DDB1: variants seen among roughly 807,000 people sequenced by gnomAD.
The protein encoded by DDB1 is DNA damage-binding protein 1.
A neutral mutation model predicts 133.1 loss-of-function variants in DDB1; 18 were observed. The ratio of observed to expected loss-of-function variants is 0.14; its 90% CI spans 0.09 to 0.20. The LOEUF is 0.20. Ranked by LOEUF, DDB1 falls within the 10% of genes least tolerant of loss-of-function variation. The pLI is 1.00. For missense variants in DDB1, 828 were observed against 1,459.2 expected (o/e 0.57, Z 7.05); for synonymous variants, 580 against 550.5 (o/e 1.05, Z -0.75).
chr11:61,315,932 T>TATC (rs1233828564), intron 12 of DDB1: 1 of 178,360 alleles, frequency 5.6e-6, no homozygotes, highest in Non-Finnish European at 1.2e-5. Flanking sequence ...AATAAGGATG[T>TATC]ATCACTAGTT....
In DDB1 at chr11:61,314,114, C is replaced by A. The variant is rs571745576; in HGVS notation, c.1686G>T (p.Thr562=). 5.6e-6 allele frequency: 9 copies of A among 1,614,096 alleles called. No homozygotes were observed. Among genetic ancestry groups the A allele is most frequent in the Non-Finnish European group, 7.6e-6 (9 of 1,180,004 alleles). Residue 562 remains threonine (T), a synonymous_variant, in exon 14 of 27, where the codon ACG becomes ACT. Coordinates refer to ENST00000301764, the MANE Select transcript of DDB1 (RefSeq NM_001923.5). ...LSPLCAIGLW[T]DISARILKLP... ...ACTTCAAGATACGAGCCGAGATGTC[C>A]GTCCAGAGGCCAATGGCACAAAGAG...
chr11:61,305,008 G>A (rs531372193), intron 21 of DDB1, among the ~76,000 whole-genome samples: 3 of 152,270 alleles, frequency 2.0e-5, no homozygotes, highest in Non-Finnish European at 4.4e-5. Flanking sequence ...GAGCTACTTG[G>A]CACGGCCCAG....
rs1044473088 is a variant in DDB1 at position 61,316,276 on chromosome 11, A to C, written c.1410+9T>G. On this transcript the variant is annotated intron_variant, in intron 12 of 26. Coordinates refer to ENST00000301764, the MANE Select transcript of DDB1 (RefSeq NM_001923.5). ...ATATGGTAACACCTGCCCCTTTCTC[A>C]GTTATCACCTGGATAAGCTGCTGAT... 1.2e-6 allele frequency: 2 copies of C among 1,612,996 alleles called. No homozygotes were observed. The highest frequency in any genetic ancestry group is 2.7e-5 in the African/African-American group (2 of 74,898).
rs949608746 is a variant in DDB1, at chr11:61,300,226, T to C, written c.3340-7A>G. Reference sequence around the variant, plus strand: ...TACCGCTGCCATCGTCATACTGCAATGAGAAGATGGGCGGGGCTGTGAGGA... The same window carrying C: ...TACCGCTGCCATCGTCATACTGCAACGAGAAGATGGGCGGGGCTGTGAGGA... On this transcript the variant is annotated splice_region_variant and splice_polypyrimidine_tract_variant and intron_variant, in intron 26 of 26. Transcript: ENST00000301764. 1 of 1,613,540 alleles carries C rather than the reference T, an allele frequency of 6.2e-7. No homozygotes were observed. Among genetic ancestry groups the C allele is most frequent in the Non-Finnish European group, 8.5e-7 (1 of 1,179,782 alleles).
At position 61,302,594 on chromosome 11, in the gene DDB1, T is replaced by C; in HGVS notation, c.3100A>G (p.Asn1034Asp). ...TQGSVLFGTV[N>D]GMIGLVTSLS... is the part of the protein sequence containing the mutation. ...GGGGTGACCTTACCTATCATGCCGT[T>C]GACCGTGCCGAAGAGCACCGAGCCT... Residue 1034 changes from asparagine to aspartate, a missense_variant, in exon 24 of 27, where the codon AAC (asparagine) becomes GAC (aspartate). By Grantham distance (23) the Asn-to-Asp change is conservative. This residue lies in a region of DDB1 where 116 missense variants were observed against 221.6 expected (regional missense o/e 0.52). Transcript: ENST00000301764. The C allele has an allele frequency of 6.2e-7, 1 of 1,614,172 alleles. No homozygotes were observed. The highest frequency in any genetic ancestry group is 8.5e-7 in the Non-Finnish European group (1 of 1,180,016).
intron 6 of DDB1, among the ~76,000 whole-genome samples, chr11:61,325,075 G>T (rs1269605742): frequency 3.9e-5 from 6 of 152,138 alleles, no homozygotes; most frequent in African/African-American, 7.2e-5. Context: ...CTGAACCTGG[G>T]AGGCGGAGGT....
chr11:61,320,188 ACTTCT>A (rs1213926798), intron 10 of DDB1, among the ~76,000 whole-genome samples: 8 of 150,622 alleles, frequency 5.3e-5, no homozygotes, highest in African/African-American at 7.3e-5. Flanking sequence ...AATTTCATAT[ACTTCT>A]CTTTTCTTTT....
At chr11:61,319,604 TG>T (rs1856143811) in intron 10 of DDB1, among the ~76,000 whole-genome samples, 1 of 152,094 alleles carries the variant, frequency 6.6e-6, no homozygotes, top group Admixed American at 6.5e-5. Flanking sequence ...GCTAATTTTT[TG>T]TATTTTAGTA....
intron 16 of DDB1, 116 bp downstream of exon 16, chr11:61,313,383 T>C (rs1856010662): frequency 1.0e-6 from 1 of 965,274 alleles, no homozygotes; most frequent in Non-Finnish European, 1.5e-6. Context: ...TGCACTATAC[T>C]TCCCATCTCA....
At position 61,299,713 on chromosome 11, in the gene DDB1, C is replaced by G. The variant is rs1855759978; in HGVS notation, c.*423G>C. 4.8e-6 allele frequency: 1 copy of G among 208,438 alleles called. No individual in the cohort carries two copies. The highest frequency in any genetic ancestry group is 9.8e-6 in the Non-Finnish European group (1 of 101,764). 12.9% of individuals were successfully genotyped at this position (208,438 alleles called of 1,614,324 possible). A position where few individuals can be genotyped will look rare whatever the true frequency, so the allele number is the denominator to read the frequency against. ...ATGAAACCCTCCTAACCCTCTTCCC[C>G]ACTACCCACAACTCCCTACACTGCC... On this transcript the variant is annotated 3_prime_UTR_variant, in exon 27 of 27. Transcript: ENST00000301764.
intron 6 of DDB1, 136 bp downstream of exon 6, chr11:61,325,475 C>G: frequency 2.9e-6 from 2 of 698,956 alleles, no homozygotes; most frequent in Non-Finnish European, 4.7e-6. Context: ...CAATGGCCAA[C>G]GCAATACCTT....
At chr11:61,331,023 C>T (rs887550640) in intron 2 of DDB1, among the ~76,000 whole-genome samples, 6 of 152,160 alleles carry the variant, frequency 3.9e-5, no homozygotes, top group East Asian at 3.9e-4. Flanking sequence ...ATCATTTCAT[C>T]GTCACAACAA....
chr11:61,325,994 T>C (rs542905715), intron 5 of DDB1: 5 of 487,472 alleles, frequency 1.0e-5, no homozygotes, highest in Middle Eastern at 5.8e-4. Flanking sequence ...TTCTCCCCCA[T>C]TTTTCTTCTC....
intron 9 of DDB1, 159 bp downstream of exon 9, chr11:61,322,137 G>A: frequency 1.5e-6 from 1 of 671,122 alleles, no homozygotes; most frequent in Admixed American, 2.3e-5. Flanking sequence ...GACCAAGATA[G>A]GCACTCAATA....
chr11:61,310,958 A>G (rs1855955729), intron 18 of DDB1: 1 of 152,390 alleles, frequency 6.6e-6, no homozygotes, highest in African/African-American at 2.4e-5. Context: ...AGCTAGCAAT[A>G]AACCTGGAAG....
rs143568423 is a variant in DDB1 at position 61,321,475 on chromosome 11, G to A, written c.1225+120C>T. 848 of 707,492 alleles carry A rather than the reference G, an allele frequency of 1.2e-3. 2 individuals are homozygous for A. Among genetic ancestry groups the A allele is most frequent in the Admixed American group, 2.2e-3 (102 of 46,154 alleles). 43.8% of individuals were successfully genotyped at this position (707,492 alleles called of 1,614,324 possible). A position where few individuals can be genotyped will look rare whatever the true frequency, so the allele number is the denominator to read the frequency against. ...GTTTAAGCTTCTGATCTGTTGTTAC[G>A]ACTTTCACTCTTCACTTGATCTGCT... On this transcript the variant is annotated intron_variant, in intron 10 of 26. Coordinates refer to ENST00000301764, the MANE Select transcript of DDB1 (RefSeq NM_001923.5).
At chr11:61,312,442 T>C (rs1242710315) in intron 16 of DDB1, among the ~76,000 whole-genome samples, 1 of 152,072 alleles carries the variant, frequency 6.6e-6, no homozygotes, top group Non-Finnish European at 1.5e-5. Context: ...AGTTTCTGAT[T>C]CTGTGAGTCA....
chr11:61,316,185 G>T, intron 12 of DDB1, 100 bp downstream of exon 12: 1 of 959,298 alleles, frequency 1.0e-6, no homozygotes, highest in Non-Finnish European at 1.6e-6. Context: ...ATTATTTTTG[G>T]AGCCATAAAA....
intron 26 of DDB1, 98 bp from the exon 27 acceptor site, chr11:61,300,317 C>G (rs1006878359): frequency 4.4e-5 from 55 of 1,253,320 alleles, no homozygotes; most frequent in Non-Finnish European, 5.9e-5. Context: ...CAAGACTCCA[C>G]CATTGTCATG....
Sources: allele counts gnomAD v4.1 joint callset (sites outside exome capture counted in the v4.1 genomes callset), GRCh38; gene constraint gnomAD v4.1.1; regional missense constraint gnomAD v4.1.1; transcripts MANE v1.5; gene names NCBI Gene and HGNC (gene_info 2026-07-23, HGNC 2026-07-21).